Variants in CRELD2 observed in about 807,000 individuals in gnomAD.
The protein encoded by CRELD2 is CRELD disulfide isomerase 2.
In CRELD2, 33 loss-of-function variants were observed where a neutral mutation model predicts 48.1. That is an observed-to-expected ratio of 0.69 (90% confidence interval 0.52 to 0.92). The LOEUF (loss-of-function observed/expected upper bound fraction) is 0.92, where lower values mean the gene tolerates loss of function less well. Ranked by LOEUF, CRELD2 falls within the 40% of genes least tolerant of loss-of-function variation. The pLI is 0.00. For synonymous variants in CRELD2, 220 were observed against 203.9 expected, an observed-to-expected ratio of 1.08 and a Z score of -0.67; for missense variants, 477 against 482.4, an observed-to-expected ratio of 0.99 and a Z score of 0.10.
rs181555967 is a variant in CRELD2, at chr22:49,918,759, C to T, written c.-11C>T. 9.1e-7 allele frequency: 1 copy of T among 1,095,748 alleles called. No individual in the cohort carries two copies. The highest frequency in any genetic ancestry group is 1.2e-6 in the Non-Finnish European group (1 of 845,114). The allele number at this position is 1,095,748 out of a possible 1,614,324, so 67.9% of individuals were successfully genotyped here. ...GAGCTCCGGCTGCGTCTTCCCGCAGCGCTACCCGCCATGCGCCTGCCGCGC... is the reference window on the plus strand; with the variant it reads ...GAGCTCCGGCTGCGTCTTCCCGCAGTGCTACCCGCCATGCGCCTGCCGCGC... On this transcript the variant is annotated 5_prime_UTR_variant, in exon 1 of 10. Coordinates refer to ENST00000328268, the MANE Select transcript of CRELD2 (RefSeq NM_024324.5).
At chr22:49,925,586 G>C in intron 9 of CRELD2, 29 bp downstream of exon 9, 2 of 1,612,008 alleles carry the variant, frequency 1.2e-6, no homozygotes, top group Non-Finnish European at 1.7e-6. Flanking sequence ...CTCCACACAG[G>C]CTGCCCTCCC....
intron 5 of CRELD2, chr22:49,922,112 G>C: frequency 1.4e-6 from 1 of 698,064 alleles, no homozygotes; most frequent in Non-Finnish European, 2.3e-6. Flanking sequence ...AATCCCTGCA[G>C]GCCGTTATGA....
Position 49,925,411 on chromosome 22 carries a change from T to C in CRELD2, c.869-6T>C. On this transcript the variant is annotated splice_polypyrimidine_tract_variant and splice_region_variant and intron_variant, in intron 8 of 9. Transcript: ENST00000328268. ...TAATTATTAAAACGGAGTCTTTTCA[T>C]TTTAGATGTGGACGAGTGCTCACTA... 6.3e-7 allele frequency: 1 copy of C among 1,575,722 alleles called. No individual in the cohort carries two copies. Among genetic ancestry groups the C allele is most frequent in the Non-Finnish European group, 8.7e-7 (1 of 1,151,138 alleles).
At position 49,922,398 on chromosome 22, in the gene CRELD2, C is replaced by T. The variant is rs752075940; in HGVS notation, c.593-214C>T. The T allele has an allele frequency of 3.5e-5, 56 of 1,609,692 alleles. 1 individual carries two copies. In the South Asian group the frequency reaches 5.4e-4, roughly 16 times the overall value. On this transcript the variant is annotated intron_variant, in intron 5 of 9. Transcript: ENST00000328268. ...GATCCGTGGCCGGAACACGCACACC[C>T]AGCCAGGCTACAGCTCCAGAGTATG... is the stretch of plus-strand genomic sequence containing the variant.
At position 49,919,793 on chromosome 22, in the gene CRELD2, G is replaced by C. The variant is rs147653734; in HGVS notation, c.276G>C (p.Gln92His). ...AGAGCAGCGACTTCGAATGCAATCA[G>C]ATGCTAGAGGCGCAGGAGGAGCACC... ...LCESSDFECN[Q>H]MLEAQEEHLE... The change falls in exon 3 of 10, where the codon CAG becomes CAC. Residue 92 changes from glutamine (Q) to histidine (H), a missense_variant. By Grantham distance (24) the Gln-to-His change is conservative (BLOSUM62 0). Coordinates refer to ENST00000328268, the MANE Select transcript of CRELD2 (RefSeq NM_024324.5). 2,194 of 1,613,164 alleles carry C rather than the reference G, an allele frequency of 1.4e-3. No individual in the cohort carries two copies. The highest frequency in any genetic ancestry group is 1.8e-3 in the Non-Finnish European group (2,067 of 1,179,684).
chr22:49,925,759 G>C (rs778669998), intron 9 of CRELD2: 19 of 1,400,280 alleles, frequency 1.4e-5, no homozygotes, highest in Non-Finnish European at 1.7e-5. Flanking sequence ...TGAAGCCCCA[G>C]GTTCACAGCT....
At position 49,923,354 on chromosome 22, in the gene CRELD2, C is replaced by CA. The variant is rs58876072; in HGVS notation, c.772+37_772+38insA. ...GGGCGGGTCTGCACTCCGGGGCCTGCCGGGTTTCGTTGCTGCCTTTGTCAA... is the reference window on the plus strand; with the variant it reads ...GGGCGGGTCTGCACTCCGGGGCCTGCACGGGTTTCGTTGCTGCCTTTGTCAA... On this transcript the variant is annotated intron_variant, in intron 7 of 9. Coordinates refer to ENST00000328268, the MANE Select transcript of CRELD2 (RefSeq NM_024324.5). 8 of 1,528,640 alleles carry CA rather than the reference C, an allele frequency of 5.2e-6. No individual in the cohort carries two copies. The African/African-American group carries it at 8.2e-5, about 16-fold the overall frequency. The allele number at this position is 1,528,640 out of a possible 1,614,324, so 94.7% of individuals were successfully genotyped here.
chr22:49,924,601 C>G (rs2060738897), intron 8 of CRELD2, 146 bp downstream of exon 8: 1 of 562,906 alleles, frequency 1.8e-6, no homozygotes, highest in South Asian at 2.2e-5. Context: ...GTGCACTCGC[C>G]CTGAGGTCCA....
In CRELD2 at chr22:49,918,966, G is replaced by A. The variant is rs1347963441; in HGVS notation, c.129+68G>A. The A allele has an allele frequency of 1.1e-5, 14 of 1,251,386 alleles. No individual in the cohort carries two copies. The South Asian group carries it at 2.0e-4, about 18-fold the overall frequency. 77.5% of individuals were successfully genotyped at this position (1,251,386 alleles called of 1,614,324 possible). On this transcript the variant is annotated intron_variant, in intron 1 of 9. Transcript: ENST00000328268. ...TCCCCCTCACCCTGCATCCGGGGTC[G>A]CCCCACCTTGGGCCCAGGGTCGCCC...
In CRELD2 at chr22:49,922,557, C is replaced by T. The variant is rs575510807; in HGVS notation, c.593-55C>T. ...TCCTCACTTTTAAACGAGCCTTGTCCCCAAGCTGGTACCTGAGAGTGGGGT... is the reference window on the plus strand; with the variant it reads ...TCCTCACTTTTAAACGAGCCTTGTCTCCAAGCTGGTACCTGAGAGTGGGGT... On this transcript the variant is annotated intron_variant, in intron 5 of 9. Transcript: ENST00000328268. 6.0e-6 allele frequency: 9 copies of T among 1,489,970 alleles called. No individual in the cohort carries two copies. In the East Asian group the frequency reaches 2.0e-4, roughly 33 times the overall value. The allele number at this position is 1,489,970 out of a possible 1,614,324, so 92.3% of individuals were successfully genotyped here.
rs902493368 is a variant in CRELD2, at chr22:49,919,780, T to C, written c.263T>C (p.Phe88Ser). 5 of 1,612,750 alleles carry C rather than the reference T, an allele frequency of 3.1e-6. No individual in the cohort carries two copies. In the African/African-American group the frequency reaches 6.7e-5, roughly 22 times the overall value. The change falls in exon 3 of 10, where the codon TTC becomes TCC. Residue 88 changes from phenylalanine to serine, a missense_variant. Coordinates refer to ENST00000328268, the MANE Select transcript of CRELD2 (RefSeq NM_024324.5). The stretch of plus-strand genomic sequence containing the variant: ...GAGGGGCTGTGCGAGAGCAGCGACT[T>C]CGAATGCAATCAGATGCTAGAGGCG... ...ILEGLCESSD[F>S]ECNQMLEAQE...
intron 8 of CRELD2, 119 bp from the exon 9 acceptor site, chr22:49,925,298 C>T (rs9616217): frequency 0.22 from 161,485 of 737,008 alleles, 20,999 homozygotes; most frequent in African/African-American, 0.48. Flanking sequence ...CTTTCTGTAA[C>T]GTGACGTTTG....
chr22:49,925,692 GGTGCATGACATCTCTGT>G, intron 9 of CRELD2, 135 bp downstream of exon 9: 2 of 1,503,306 alleles, frequency 1.3e-6, no homozygotes, highest in Non-Finnish European at 1.8e-6. Context: ...CCGGAAGACA[GGTGCATGACATCTCTGT>G]GTGGGCACGC....
intron 7 of CRELD2, 134 bp from the exon 8 acceptor site, chr22:49,924,226 C>T (rs531619664): frequency 1.8e-5 from 11 of 610,690 alleles, no homozygotes; most frequent in African/African-American, 5.5e-5. Context: ...AGAGACAGAT[C>T]GTTATAAAGT....
chr22:49,923,544 C>G, intron 7 of CRELD2: 1 of 638,018 alleles, frequency 1.6e-6, no homozygotes. Context: ...GAGAGCGCAC[C>G]CTGCTGGTGC....
chr22:49,922,181 T>C lies in CRELD2; in HGVS notation c.592+420T>C, dbSNP rs1345364591. On this transcript the variant is annotated intron_variant, in intron 5 of 9. Coordinates refer to ENST00000328268, the MANE Select transcript of CRELD2 (RefSeq NM_024324.5). ...TTGTCACTGATATGTAGGAAAACTC[T>C]GAGTGTCTCGGACGTGAGTGTGTGG... 5.0e-6 allele frequency: 6 copies of C among 1,193,950 alleles called. No individual in the cohort carries two copies. The African/African-American group carries it at 9.8e-5, about 20-fold the overall frequency. 74.0% of individuals were successfully genotyped at this position (1,193,950 alleles called of 1,614,324 possible). A position where few individuals can be genotyped will look rare whatever the true frequency, so the allele number is the denominator to read the frequency against.
chr22:49,918,870 G>T lies in CRELD2; in HGVS notation c.101G>T (p.Cys34Phe). ...AAKKPTPCHRCRGLVDKFNQG... is the reference protein window; with the variant it reads ...AAKKPTPCHRFRGLVDKFNQG... ...AAGAAGCCGACGCCCTGCCACCGGT[G>T]CCGGGGGCTGGTGGACAAGTTTAAC... Residue 34 changes from cysteine (C) to phenylalanine (F), a missense_variant, in exon 1 of 10, where the codon TGC becomes TTC. Cys to Phe is a radical substitution (Grantham distance 205, BLOSUM62 -2). Transcript: ENST00000328268. The T allele has an allele frequency of 7.7e-7, 1 of 1,301,142 alleles. No homozygotes were observed. 80.6% of individuals were successfully genotyped at this position (1,301,142 alleles called of 1,614,324 possible). A position where few individuals can be genotyped will look rare whatever the true frequency, so the allele number is the denominator to read the frequency against.
In CRELD2 at chr22:49,927,332, A is replaced by G; in HGVS notation, c.*25A>G. 1 of 1,598,832 alleles carries G rather than the reference A, an allele frequency of 6.3e-7. No homozygotes were observed. Among genetic ancestry groups the G allele is most frequent in the Non-Finnish European group, 8.6e-7 (1 of 1,167,494 alleles). On this transcript the variant is annotated 3_prime_UTR_variant, in exon 10 of 10. Coordinates refer to ENST00000328268, the MANE Select transcript of CRELD2 (RefSeq NM_024324.5). ...ATGTGCCGGACTTACCCTTTAAATT[A>G]TTCAGAAGGATGTCCCGTGGAAAAT...
At chr22:49,924,908 GA>G (rs2060742955) in intron 8 of CRELD2, 2 of 162,440 alleles carry the variant, frequency 1.2e-5, no homozygotes, top group Non-Finnish European at 2.7e-5. Flanking sequence ...GAGGCGGGGG[GA>G]TCACGAGGTC....
Sources: gnomAD v4.1 joint callset for allele counts on GRCh38, gnomAD v4.1.1 for gene constraint, MANE v1.5 for transcripts, NCBI Gene and HGNC (gene_info 2026-07-23, HGNC 2026-07-21) for gene names.